Variants in NPHP4 observed in about 807,000 individuals in gnomAD.
NPHP4 encodes nephrocystin 4.
A neutral mutation model predicts 155.8 loss-of-function variants in NPHP4; 151 were observed. The ratio of observed to expected loss-of-function variants is 0.97; its 90% confidence interval spans 0.85 to 1.11. NPHP4 has a LOEUF of 1.11. Ranked by LOEUF, NPHP4 falls within the 50% of genes least tolerant of loss-of-function variation. NPHP4 has a pLI of 0.00. For missense variants in NPHP4, 1,956 were observed against 1,925.7 expected (o/e 1.02, Z -0.29); for synonymous variants, 845 against 816.8 (o/e 1.03, Z -0.59).
At position 5,905,890 on chromosome 1, in the gene NPHP4, T is replaced by C. The variant is rs541931639; in HGVS notation, c.1612-107A>G. The C allele has an allele frequency of 9.6e-7, 1 of 1,037,094 alleles. No homozygotes were observed. Among genetic ancestry groups the C allele is most frequent in the Non-Finnish European group, 1.4e-6 (1 of 717,648 alleles). 64.2% of individuals were successfully genotyped at this position (1,037,094 alleles called of 1,614,324 possible). On this transcript the variant is annotated intron_variant, in intron 13 of 29. Transcript: ENST00000378156. The surrounding 1 kb of genome is among the most constrained non-coding windows in gnomAD (Gnocchi z 4.0). ...TCATCGATTAATTGCCTCTGGAGGG[T>C]TGCCAGCTCTAGCAAATACAAAAGG...
intron 16 of NPHP4, among the ~76,000 whole-genome samples, chr1:5,899,241 A>T (rs56270325): frequency 0.21 from 31,374 of 152,160 alleles, 3,358 homozygotes; most frequent in Non-Finnish European, 0.23. Context: ...ACTATGCAGA[A>T]GAGCCAAAAA....
At chr1:5,918,698 TTTAAA>T (rs1645590407) in intron 11 of NPHP4, among the ~76,000 whole-genome samples, 1 of 152,182 alleles carries the variant, frequency 6.6e-6, no homozygotes, top group Non-Finnish European at 1.5e-5. Context: ...ATACTGAATG[TTTAAA>T]TTAGTTACAA....
intron 18 of NPHP4, among the ~76,000 whole-genome samples, chr1:5,886,285 C>CGTA: frequency 6.6e-6 from 1 of 152,318 alleles, no homozygotes; most frequent in East Asian, 1.9e-4. Context: ...GATGTACATT[C>CGTA]GTAAACAGGC....
chr1:5,894,283 A>G (rs573169773), intron 16 of NPHP4, among the ~76,000 whole-genome samples: 3 of 152,230 alleles, frequency 2.0e-5, no homozygotes, highest in Non-Finnish European at 2.9e-5. Context: ...GTGAAACCCT[A>G]TCTCTACAAA....
At chr1:5,986,128 G>T in intron 2 of NPHP4, 27 bp downstream of exon 2, 1 of 1,612,156 alleles carries the variant, frequency 6.2e-7, no homozygotes, top group Non-Finnish European at 8.5e-7. Flanking sequence ...GCAATAACAC[G>T]CATTTGCTAA....
At chr1:5,865,482 T>G in intron 26 of NPHP4, 1 of 478,498 alleles carries the variant, frequency 2.1e-6, no homozygotes. Flanking sequence ...GCCTGGTGGC[T>G]CCACCCCTGG....
In NPHP4 at chr1:5,910,807, T is replaced by C. The variant is rs1645142980; in HGVS notation, c.1442-1594A>G. ...CTCTCCCAGCAGCTTCCAGAACCCATCCAAGGAGGTGCTTCCCCAGCTGCA... is the reference window on the plus strand; with the variant it reads ...CTCTCCCAGCAGCTTCCAGAACCCACCCAAGGAGGTGCTTCCCCAGCTGCA... On this transcript the variant is annotated intron_variant, in intron 11 of 29. Transcript: ENST00000378156. This position sits in a 1 kb window ranked among gnomAD's most constrained non-coding sequence, Gnocchi z 5.4. 6.6e-6 allele frequency among the ~76,000 whole-genome samples: 1 copy of C among 152,088 alleles called. No individual in the cohort carries two copies. Among genetic ancestry groups the C allele is most frequent in the Non-Finnish European group, 1.5e-5 (1 of 67,998 alleles).
chr1:5,932,660 T>TAAA (rs35273263), intron 10 of NPHP4, among the ~76,000 whole-genome samples: 1 of 136,812 alleles, frequency 7.3e-6, no homozygotes. Flanking sequence ...ATTTCAGAAT[T>TAAA]AAAAAAAAAA....
In NPHP4 at chr1:5,905,914, G is replaced by C. The variant is rs1570366328; in HGVS notation, c.1612-131C>G. On this transcript the variant is annotated intron_variant, in intron 13 of 29. Transcript: ENST00000378156. The surrounding 1 kb of genome is among the most constrained non-coding windows in gnomAD (Gnocchi z 4.0). The stretch of plus-strand genomic sequence containing the variant: ...GTTGCCAGCTCTAGCAAATACAAAA[G>C]GTTCAATTACACTTGAATTTCAGGT... 1.3e-5 allele frequency: 10 copies of C among 757,138 alleles called. No individual in the cohort carries two copies. The East Asian group carries it at 2.5e-4, about 19-fold the overall frequency. 46.9% of individuals were successfully genotyped at this position (757,138 alleles called of 1,614,324 possible). A position where few individuals can be genotyped will look rare whatever the true frequency, so the allele number is the denominator to read the frequency against.
chr1:5,914,416 AGAGT>A (rs1355910203), intron 11 of NPHP4, among the ~76,000 whole-genome samples: 7 of 152,240 alleles, frequency 4.6e-5, no homozygotes, highest in Admixed American at 4.6e-4. Flanking sequence ...CCTGGACAAC[AGAGT>A]GAGATCTTCT....
At chr1:5,885,703 G>A (rs1352682596) in intron 18 of NPHP4, among the ~76,000 whole-genome samples, 3 of 152,242 alleles carry the variant, frequency 2.0e-5, no homozygotes, top group Non-Finnish European at 2.9e-5. Context: ...CCGAGGCTCA[G>A]GTTCTGTCCC....
chr1:5,946,042 GTTA>G (rs1214933718), intron 9 of NPHP4, among the ~76,000 whole-genome samples: 2 of 152,224 alleles, frequency 1.3e-5, no homozygotes, highest in African/African-American at 4.8e-5. Context: ...CTATTTTATT[GTTA>G]TTGTTGTTAA....
intron 16 of NPHP4, among the ~76,000 whole-genome samples, chr1:5,901,277 A>G (rs757875856): frequency 2.6e-4 from 39 of 152,186 alleles, no homozygotes; most frequent in Non-Finnish European, 4.4e-4. Context: ...AACAACAAAT[A>G]TCTTTTAAGT....
At chr1:5,927,534 A>G (rs370899646) in intron 11 of NPHP4, 115 bp downstream of exon 11, 14 of 1,172,720 alleles carry the variant, frequency 1.2e-5, no homozygotes, top group Middle Eastern at 2.0e-4. Context: ...GCAATCTACG[A>G]CGATTATCTT....
At chr1:5,915,697 GC>G (rs1645436531) in intron 11 of NPHP4, among the ~76,000 whole-genome samples, 1 of 152,126 alleles carries the variant, frequency 6.6e-6, no homozygotes, top group African/African-American at 2.4e-5. Flanking sequence ...ACTTGCCAGA[GC>G]CCTGAGCTGG....
intron 3 of NPHP4, among the ~76,000 whole-genome samples, chr1:5,974,699 AAAC>A (rs1010010744): frequency 1.7e-5 from 2 of 120,024 alleles, no homozygotes; most frequent in Admixed American, 8.1e-5. Flanking sequence ...AAAAAAAAAA[AAAC>A]CACCCAGCTC....
intron 9 of NPHP4, among the ~76,000 whole-genome samples, chr1:5,939,072 G>A (rs1035565378): frequency 6.6e-6 from 1 of 152,098 alleles, no homozygotes; most frequent in African/African-American, 2.4e-5. Flanking sequence ...TAATAAAAGT[G>A]AGATACTTCA....
chr1:5,909,610 T>C (rs1645079532), intron 11 of NPHP4, among the ~76,000 whole-genome samples: 1 of 152,266 alleles, frequency 6.6e-6, no homozygotes, highest in East Asian at 1.9e-4. Context: ...CCGGCTGTTT[T>C]GTTAACCGAG....
intron 16 of NPHP4, among the ~76,000 whole-genome samples, chr1:5,898,188 C>A (rs1360213072): frequency 6.6e-6 from 1 of 152,134 alleles, no homozygotes. Flanking sequence ...CTGAGGAGGG[C>A]CCCCACAAGA....
Sources: gnomAD v4.1 joint callset for allele counts (sites outside exome capture counted in the v4.1 genomes callset) on GRCh38, gnomAD v4.1.1 for gene constraint, Gnocchi (gnomAD v3.1) non-coding constraint, MANE v1.5 for transcripts, NCBI Gene and HGNC (gene_info 2026-07-23, HGNC 2026-07-21) for gene names.